Variants in GATAD2A observed in about 807,000 individuals in gnomAD.
GATAD2A encodes GATA zinc finger domain containing 2A, also known as transcriptional repressor p66-alpha.
Under a neutral mutation model 68.5 loss-of-function variants are expected in GATAD2A, and 12 were observed. The ratio of observed to expected loss-of-function variants is 0.18; its 90% CI spans 0.11 to 0.28. The LOEUF (loss-of-function observed/expected upper bound fraction) is 0.28, where lower values mean the gene tolerates loss of function less well. Ranked by LOEUF, GATAD2A falls within the 10% of genes least tolerant of loss-of-function variation. The probability of loss-of-function intolerance (pLI) is 1.00; values close to 1 mark genes in which losing one functional copy is unlikely to be tolerated. For missense variants in GATAD2A, 755 were observed against 868.5 expected, an observed-to-expected ratio of 0.87 and a Z score of 1.64; for synonymous variants, 410 against 375.3, an observed-to-expected ratio of 1.09 and a Z score of -1.07.
chr19:19,461,114 G>A (rs768263030), intron 1 of GATAD2A, among the ~76,000 whole-genome samples: 14 of 151,488 alleles, frequency 9.2e-5, no homozygotes, highest in Non-Finnish European at 1.6e-4. Context: ...AGCTGCTGTC[G>A]GGTGAGGAGG....
At chr19:19,386,409 C>T (rs1457026940) in intron 1 of GATAD2A, among the ~76,000 whole-genome samples, 2 of 151,594 alleles carry the variant, frequency 1.3e-5, no homozygotes, top group Non-Finnish European at 3.0e-5. Flanking sequence ...ACCCTTGCCT[C>T]TCTAGGGGAC....
intron 7 of GATAD2A, among the ~76,000 whole-genome samples, chr19:19,497,946 G>A (rs1177100283): frequency 1.3e-5 from 2 of 152,136 alleles, no homozygotes; most frequent in South Asian, 2.1e-4. Context: ...TTCCCCCATC[G>A]CCCCATAAGG....
upstream of GATAD2A, among the ~76,000 whole-genome samples, chr19:19,401,442 T>C (rs1438047129): frequency 6.6e-6 from 1 of 152,082 alleles, no homozygotes; most frequent in Non-Finnish European, 1.5e-5. Context: ...CTCGATCTCC[T>C]GATCTCGTGA....
At chr19:19,505,234 C>T in intron 11 of GATAD2A, 110 bp from the exon 12 acceptor site, 1 of 1,034,806 alleles carries the variant, frequency 9.7e-7, no homozygotes, top group Non-Finnish European at 1.4e-6. Flanking sequence ...GCAAGGGCTC[C>T]TGGGTCCTTA....
At chr19:19,420,201 T>TTA (rs1491546256) in intron 1 of GATAD2A, among the ~76,000 whole-genome samples, 1 of 146,042 alleles carries the variant, frequency 6.8e-6, no homozygotes, top group Non-Finnish European at 1.5e-5. Context: ...TTTTTTTTTT[T>TTA]AAGTAGAGAC....
chr19:19,426,152 C>T (rs1372167505), intron 1 of GATAD2A, among the ~76,000 whole-genome samples: 2 of 152,150 alleles, frequency 1.3e-5, no homozygotes, highest in Non-Finnish European at 2.9e-5. Context: ...GGTGGGTTGT[C>T]TGGAGTTTCC....
In GATAD2A at chr19:19,494,370, A is replaced by G. The variant is rs2060004431; in HGVS notation, c.611A>G (p.Lys204Arg). The G allele has an allele frequency of 6.2e-7, 1 of 1,607,114 alleles. No homozygotes were observed. The highest frequency in any genetic ancestry group is 8.5e-7 in the Non-Finnish European group (1 of 1,173,716). The stretch of plus-strand genomic sequence containing the variant: ...GGCACTCAGAACATTCCTGCTGGCA[A>G]GCCATCACTCCAGGTCAGTGTCCTT... ...VRGTQNIPAG[K>R]PSLQTSSARM... Residue 204 changes from lysine to arginine, a missense_variant, in exon 5 of 12, where the codon AAG (lysine) becomes AGG (arginine). Transcript: ENST00000683918.
chr19:19,497,969 C>G (rs1361409059), intron 7 of GATAD2A, among the ~76,000 whole-genome samples: 1 of 152,180 alleles, frequency 6.6e-6, no homozygotes, highest in East Asian at 1.9e-4. Context: ...TCGGGGACTA[C>G]CTCAAACATT....
At chr19:19,443,278 C>T (rs779704347) in intron 1 of GATAD2A, among the ~76,000 whole-genome samples, 4 of 152,178 alleles carry the variant, frequency 2.6e-5, no homozygotes, top group Non-Finnish European at 5.9e-5. Context: ...TCCACAGGGA[C>T]ACGCACTCAC....
rs998466235 is a variant in GATAD2A at position 19,505,651 on chromosome 19, G to C, written c.*177G>C. The C allele has an allele frequency of 2.3e-5, 13 of 558,508 alleles. No homozygotes were observed. In the East Asian group the frequency reaches 4.1e-4, roughly 18 times the overall value. 34.6% of individuals were successfully genotyped at this position (558,508 alleles called of 1,614,324 possible). ...ATTCTTGGCTGCAAAGTTTCATCAG[G>C]GCTAGGGGGCTGGTGCCGCCTCATA... On this transcript the variant is annotated 3_prime_UTR_variant, in exon 12 of 12. Transcript: ENST00000683918.
chr19:19,405,383 G>A (rs1000479323), upstream of GATAD2A, among the ~76,000 whole-genome samples: 2 of 152,210 alleles, frequency 1.3e-5, no homozygotes, highest in Non-Finnish European at 2.9e-5. Flanking sequence ...AGCAGTGAGC[G>A]CGTCGTGAGT....
At chr19:19,498,159 G>C (rs112711337) in intron 7 of GATAD2A, among the ~76,000 whole-genome samples, 16 of 152,346 alleles carry the variant, frequency 1.1e-4, no homozygotes, top group African/African-American at 3.8e-4. Flanking sequence ...ACATGGCGGA[G>C]CACAGCAAAC....
At chr19:19,500,355 G>A (rs1406417855) in intron 8 of GATAD2A, among the ~76,000 whole-genome samples, 1 of 152,168 alleles carries the variant, frequency 6.6e-6, no homozygotes, top group African/African-American at 2.4e-5. Flanking sequence ...AGGGAAGGCC[G>A]AGAGTCTCGC....
At position 19,475,237 on chromosome 19, in the gene GATAD2A, C is replaced by T. The variant is rs187818991; in HGVS notation, c.269+9623C>T. On this transcript the variant is annotated intron_variant, in intron 2 of 11. Coordinates refer to ENST00000683918, the MANE Select transcript of GATAD2A (RefSeq NM_001384528.1). ...TGGACTAATGTGGCACAGCTGTCGA[C>T]GTGAGGGCTCAGGAAAGGGCTGGGT... Among the ~76,000 whole-genome samples the T allele has an allele frequency of 2.1e-3, 322 of 152,324 alleles. 2 individuals are homozygous for T. Among genetic ancestry groups the T allele is most frequent in the South Asian group, 0.016 (78 of 4,834 alleles).
chr19:19,502,533 G>A lies in GATAD2A; in HGVS notation c.1774+7G>A, dbSNP rs765476548. On this transcript the variant is annotated splice_region_variant and intron_variant, in intron 11 of 11. Transcript: ENST00000683918. ...AAGACGCCCCTCAGCACAGGTGGGTGACCTCCACAGGGCTCCCCAGGGGAC... is the reference window on the plus strand; with the variant it reads ...AAGACGCCCCTCAGCACAGGTGGGTAACCTCCACAGGGCTCCCCAGGGGAC... 1 of 1,601,530 alleles carries A rather than the reference G, an allele frequency of 6.2e-7. No homozygotes were observed. The highest frequency in any genetic ancestry group is 1.1e-5 in the South Asian group (1 of 89,680).
intron 1 of GATAD2A, among the ~76,000 whole-genome samples, chr19:19,414,335 A>G (rs1395437046): frequency 3.9e-5 from 6 of 152,126 alleles, no homozygotes; most frequent in African/African-American, 1.4e-4. Flanking sequence ...CTGAGGCTCA[A>G]GCGGAGGAGG....
chr19:19,397,093 T>C (rs771573472), intron 1 of GATAD2A, among the ~76,000 whole-genome samples: 1 of 152,160 alleles, frequency 6.6e-6, no homozygotes, highest in Non-Finnish European at 1.5e-5. Context: ...GCCAAGTGAG[T>C]TCCCTTGACC....
chr19:19,477,033 T>A (rs1199976386), intron 2 of GATAD2A, among the ~76,000 whole-genome samples: 1 of 152,136 alleles, frequency 6.6e-6, no homozygotes, highest in Non-Finnish European at 1.5e-5. Flanking sequence ...TGCCCCCACT[T>A]TGTGAATGCC....
At chr19:19,464,382 T>G (rs1243482206) in intron 1 of GATAD2A, among the ~76,000 whole-genome samples, 1 of 152,240 alleles carries the variant, frequency 6.6e-6, no homozygotes, top group Non-Finnish European at 1.5e-5. Context: ...TGCCCTGTCC[T>G]GTTGGGACGT....
Sources: gnomAD v4.1 joint callset for allele counts (sites outside exome capture counted in the v4.1 genomes callset) on GRCh38, gnomAD v4.1.1 for gene constraint, MANE v1.5 for transcripts, NCBI Gene and HGNC (gene_info 2026-07-23, HGNC 2026-07-21) for gene names.